Variants in RYR2 observed in about 807,000 individuals in gnomAD.
The protein encoded by RYR2 is ryanodine receptor 2.
RYR2 carries 227 observed loss-of-function variants against 601.1 expected under a neutral mutation model. The observed-to-expected ratio is 0.38, with a 90% CI of 0.34 to 0.42. The LOEUF (loss-of-function observed/expected upper bound fraction) is 0.42. RYR2 is among the 10% of genes least tolerant of loss of function. The pLI, the probability that RYR2 is intolerant of heterozygous loss-of-function variation, is 1.00. For synonymous variants in RYR2, 2,223 were observed against 2,175.1 expected, an observed-to-expected ratio of 1.02 and a Z score of -0.61; for missense variants, 4,646 against 6,156.5, an observed-to-expected ratio of 0.75 and a Z score of 8.21.
At chr1:237,144,030 G>A (rs1673693327) in intron 1 of RYR2, among the ~76,000 whole-genome samples, 1 of 152,054 alleles carries the variant, frequency 6.6e-6, no homozygotes, top group Admixed American at 6.6e-5. Flanking sequence ...TCAGGAGGCT[G>A]AGGCAGGAGA....
intron 34 of RYR2, among the ~76,000 whole-genome samples, chr1:237,596,654 A>C (rs1421285400): frequency 6.6e-6 from 1 of 152,236 alleles, no homozygotes; most frequent in East Asian, 1.9e-4. Flanking sequence ...ATCCAGATCC[A>C]GGAAGCTCAA....
At chr1:237,460,721 GA>G (rs1459214477) in intron 16 of RYR2, among the ~76,000 whole-genome samples, 2 of 152,094 alleles carry the variant, frequency 1.3e-5, no homozygotes, top group Non-Finnish European at 2.9e-5. Flanking sequence ...TTCCTTTCTT[GA>G]AAAATAAGCA....
At position 237,646,213 on chromosome 1, in the gene RYR2, C is replaced by T. The variant is rs545432533; in HGVS notation, c.7343-2231C>T. The stretch of plus-strand genomic sequence containing the variant: ...TTTTTCAGCCAGGTGTGGTGGTGCA[C>T]GCCTGTAGTCCCAGCTACTCAGGAG... On this transcript the variant is annotated intron_variant, in intron 48 of 104. Transcript: ENST00000366574. Among the ~76,000 whole-genome samples, 26 of 151,734 alleles carry T rather than the reference C, an allele frequency of 1.7e-4. No individual in the cohort carries two copies. The East Asian group carries it at 1.8e-3, about 10-fold the overall frequency.
chr1:237,125,270 G>C (rs1455984450), intron 1 of RYR2, among the ~76,000 whole-genome samples: 1 of 152,084 alleles, frequency 6.6e-6, no homozygotes, highest in East Asian at 1.9e-4. Context: ...GGTTCGGTGG[G>C]TTGGGAGGGT....
At chr1:237,062,672 T>A (rs1356130347) in intron 1 of RYR2, among the ~76,000 whole-genome samples, 1 of 152,208 alleles carries the variant, frequency 6.6e-6, no homozygotes, top group Non-Finnish European at 1.5e-5. Context: ...ACTGACCATT[T>A]TATTTTTTGC....
At chr1:237,388,765 G>A (rs1016484083) in intron 10 of RYR2, among the ~76,000 whole-genome samples, 1 of 152,090 alleles carries the variant, frequency 6.6e-6, no homozygotes, top group Non-Finnish European at 1.5e-5. Flanking sequence ...ATTTAGAATA[G>A]TTTGCTACTG....
chr1:237,762,565 G>C (rs1693511968), intron 84 of RYR2, among the ~76,000 whole-genome samples: 1 of 152,182 alleles, frequency 6.6e-6, no homozygotes, highest in Non-Finnish European at 1.5e-5. Context: ...CTCCCAAAAG[G>C]AATAGCAGCC....
intron 88 of RYR2, among the ~76,000 whole-genome samples, chr1:237,780,243 TTGG>T (rs1558396588): frequency 6.6e-6 from 1 of 152,190 alleles, no homozygotes; most frequent in Non-Finnish European, 1.5e-5. Flanking sequence ...TATGGAGTTA[TTGG>T]TGACTTCAGC....
intron 1 of RYR2, among the ~76,000 whole-genome samples, chr1:237,163,875 G>A (rs1676327521): frequency 6.6e-6 from 1 of 152,244 alleles, no homozygotes; most frequent in South Asian, 2.1e-4. Context: ...GTCTCCGGGT[G>A]CCTGACTGCT....
chr1:237,412,251 C>T (rs1024760013), intron 10 of RYR2, among the ~76,000 whole-genome samples: 3 of 151,896 alleles, frequency 2.0e-5, no homozygotes, highest in Non-Finnish European at 4.4e-5. Context: ...TTATGAGCAG[C>T]GGAATTGATG....
chr1:237,601,503 G>T (rs1676498801), intron 34 of RYR2, among the ~76,000 whole-genome samples: 1 of 152,076 alleles, frequency 6.6e-6, no homozygotes, highest in African/African-American at 2.4e-5. Context: ...GGAAGAATAA[G>T]CGCTGGTGTC....
intron 16 of RYR2, among the ~76,000 whole-genome samples, chr1:237,464,420 T>G (rs78401546): frequency 6.1e-5 from 9 of 148,510 alleles, no homozygotes; most frequent in Admixed American, 2.0e-4. Context: ...TTTTTTTTTT[T>G]GACAGAATTT....
intron 1 of RYR2, among the ~76,000 whole-genome samples, chr1:237,153,235 T>TG (rs957131230): frequency 6.6e-6 from 1 of 152,114 alleles, no homozygotes; most frequent in Non-Finnish European, 1.5e-5. Flanking sequence ...TTTTGAGATT[T>TG]GGGGGGAGGG....
chr1:237,306,977 C>T (rs894660013), intron 2 of RYR2, among the ~76,000 whole-genome samples: 8 of 152,140 alleles, frequency 5.3e-5, no homozygotes, highest in African/African-American at 1.4e-4. Flanking sequence ...CTTACGGGTA[C>T]GTACTTATAC....
intron 22 of RYR2, among the ~76,000 whole-genome samples, chr1:237,506,430 C>T (rs865928220): frequency 1.6e-4 from 25 of 151,732 alleles, no homozygotes; most frequent in Admixed American, 9.2e-4. Context: ...CCCAGCTACT[C>T]GGGAGGCTGA....
intron 1 of RYR2, among the ~76,000 whole-genome samples, chr1:237,047,756 G>A (rs1334258979): frequency 3.3e-5 from 5 of 152,070 alleles, no homozygotes; most frequent in Non-Finnish European, 5.9e-5. Flanking sequence ...TTACATTTCT[G>A]ATCATGCTTT....
chr1:237,151,604 C>G (rs1367568144), intron 1 of RYR2, among the ~76,000 whole-genome samples: 2 of 152,170 alleles, frequency 1.3e-5, no homozygotes, highest in Non-Finnish European at 2.9e-5. Context: ...GTTTTCTCAT[C>G]TGCTGGGTGA....
chr1:237,521,066 A>G (rs75753138), intron 24 of RYR2, among the ~76,000 whole-genome samples: 4,201 of 152,254 alleles, frequency 0.028, 160 homozygotes, highest in African/African-American at 0.084. Context: ...AGTAATAAAA[A>G]TTGTCCCAAC....
chr1:237,664,170 C>A (rs1346629243), intron 56 of RYR2, among the ~76,000 whole-genome samples: 1 of 152,074 alleles, frequency 6.6e-6, no homozygotes, highest in Non-Finnish European at 1.5e-5. Flanking sequence ...AAGCTTATAA[C>A]CCGGAAGGGG....
Sources: gnomAD v4.1 joint callset for allele counts (sites outside exome capture counted in the v4.1 genomes callset) on GRCh38, gnomAD v4.1.1 for gene constraint, MANE v1.5 for transcripts, NCBI Gene and HGNC (gene_info 2026-07-23, HGNC 2026-07-21) for gene names.